FTO: variants seen among roughly 807,000 people sequenced by gnomAD.
FTO encodes FTO alpha-ketoglutarate dependent dioxygenase, also known as alpha-ketoglutarate-dependent dioxygenase FTO.
FTO carries 47 observed loss-of-function variants against 63.9 expected under a neutral mutation model. That is an observed-to-expected ratio of 0.74 (90% CI 0.58 to 0.94). The LOEUF is 0.94. Ranked by LOEUF, FTO falls within the 40% of genes least tolerant of loss-of-function variation. FTO has a pLI of 0.00. For missense variants in FTO, 562 were observed against 618.1 expected, an observed-to-expected ratio of 0.91 and a Z score of 0.96; for synonymous variants, 207 against 224.4, an observed-to-expected ratio of 0.92 and a Z score of 0.69.
intron 1 of FTO, among the ~76,000 whole-genome samples, chr16:53,750,309 C>T (rs950954159): frequency 2.0e-5 from 3 of 151,690 alleles, no homozygotes; most frequent in Admixed American, 6.6e-5. Flanking sequence ...GCGATCTTGG[C>T]TCACTGCAAC....
intron 8 of FTO, chr16:53,991,893 G>T (rs1346218275): frequency 2.0e-5 from 3 of 152,138 alleles, no homozygotes; most frequent in Admixed American, 6.5e-5. Flanking sequence ...GTTCAGTTGG[G>T]CTACTGAATG....
intron 7 of FTO, among the ~76,000 whole-genome samples, chr16:53,908,341 A>G (rs1489489548): frequency 1.1e-4 from 17 of 152,218 alleles, no homozygotes; most frequent in Non-Finnish European, 1.5e-5. Context: ...GTGAATTGAC[A>G]GGAATTATTC....
At chr16:53,918,407 G>A (rs370106285) in intron 7 of FTO, among the ~76,000 whole-genome samples, 13 of 152,152 alleles carry the variant, frequency 8.5e-5, no homozygotes, top group African/African-American at 2.4e-4. Flanking sequence ...TAGAGATATC[G>A]AAACATAGAA....
chr16:53,736,993 T>G (rs1235250554), intron 1 of FTO, among the ~76,000 whole-genome samples: 1 of 152,204 alleles, frequency 6.6e-6, no homozygotes, highest in Non-Finnish European at 1.5e-5. Flanking sequence ...TTGTGCCCAT[T>G]TATCACTTCA....
chr16:53,844,390 C>G, intron 4 of FTO, 92 bp downstream of exon 4: 3 of 1,063,790 alleles, frequency 2.8e-6, no homozygotes. Context: ...ATGAAATAAA[C>G]TTTTGGAGTA....
chr16:53,966,894 G>C (rs142400743), intron 8 of FTO, among the ~76,000 whole-genome samples: 1 of 152,156 alleles, frequency 6.6e-6, no homozygotes, highest in Non-Finnish European at 1.5e-5. Context: ...GATACCATTT[G>C]CAATGGTAGA....
chr16:53,952,152 A>G (rs1004860490), intron 8 of FTO, among the ~76,000 whole-genome samples: 5 of 152,070 alleles, frequency 3.3e-5, no homozygotes, highest in African/African-American at 1.2e-4. Context: ...CTTTCATTTT[A>G]TAGTTAAGGT....
In FTO at chr16:54,002,751, A is replaced by G. The variant is rs116299823; in HGVS notation, c.1364+68642A>G. 3.7e-3 allele frequency among the ~76,000 whole-genome samples: 570 copies of G among 152,390 alleles called. 2 individuals are homozygous for G. Among genetic ancestry groups the G allele is most frequent in the African/African-American group, 0.013 (548 of 41,598 alleles). On this transcript the variant is annotated intron_variant, in intron 8 of 8. Coordinates refer to ENST00000471389, the MANE Select transcript of FTO (RefSeq NM_001080432.3). ...GTAGAAACTTGTGTCTACAAAAGAC[A>G]GATAAAAACAAGTGTTGATGAGGAT...
chr16:53,787,137 AAAAAAG>A (rs1165229483), intron 1 of FTO, among the ~76,000 whole-genome samples: 3 of 147,876 alleles, frequency 2.0e-5, no homozygotes. Flanking sequence ...AAAAAAAAAA[AAAAAAG>A]AAAAAGAAAC....
At chr16:53,970,780 C>CT (rs1197350193) in intron 8 of FTO, among the ~76,000 whole-genome samples, 2 of 152,028 alleles carry the variant, frequency 1.3e-5, no homozygotes, top group East Asian at 3.9e-4. Flanking sequence ...CAGTGTGACA[C>CT]TTTTTGAGTT....
chr16:53,861,676 C>T (rs771220752), intron 4 of FTO, among the ~76,000 whole-genome samples: 2 of 151,994 alleles, frequency 1.3e-5, no homozygotes, highest in East Asian at 3.9e-4. Flanking sequence ...AAGTCTTAAT[C>T]GCAATAGTTG....
At chr16:53,915,912 T>C (rs999224579) in intron 7 of FTO, among the ~76,000 whole-genome samples, 1 of 152,240 alleles carries the variant, frequency 6.6e-6, no homozygotes, top group East Asian at 1.9e-4. Flanking sequence ...AAAACTATTC[T>C]GGATGTGGCA....
intron 8 of FTO, among the ~76,000 whole-genome samples, chr16:53,975,683 T>C (rs1306279919): frequency 1.3e-5 from 2 of 151,642 alleles, no homozygotes; most frequent in Admixed American, 6.6e-5. Context: ...AAAAAAGACA[T>C]GTAATTTATA....
At chr16:53,908,202 C>G (rs1431578033) in intron 7 of FTO, among the ~76,000 whole-genome samples, 1 of 152,160 alleles carries the variant, frequency 6.6e-6, no homozygotes, top group Non-Finnish European at 1.5e-5. Context: ...TAATTTAGGT[C>G]CTATTATCTG....
intron 1 of FTO, among the ~76,000 whole-genome samples, chr16:53,712,275 A>T (rs572151731): frequency 3.1e-4 from 47 of 152,222 alleles, no homozygotes; most frequent in African/African-American, 1.1e-3. Context: ...TCTAAAGTGG[A>T]CACTAAATAT....
chr16:53,792,024 C>T (rs1483497724), intron 1 of FTO, among the ~76,000 whole-genome samples: 3 of 150,282 alleles, frequency 2.0e-5, no homozygotes, highest in African/African-American at 7.3e-5. Flanking sequence ...TGCAGTGAGC[C>T]GAGATTGCGC....
intron 5 of FTO, among the ~76,000 whole-genome samples, 167 bp downstream of exon 5, chr16:53,874,032 A>G (rs1423485534): frequency 3.3e-5 from 5 of 152,108 alleles, no homozygotes; most frequent in Non-Finnish European, 5.9e-5. Context: ...ATTGTGTTGG[A>G]TACAGTTTTA....
At chr16:53,732,905 ATGAG>A (rs2076306908) in intron 1 of FTO, among the ~76,000 whole-genome samples, 1 of 152,226 alleles carries the variant, frequency 6.6e-6, no homozygotes, top group Non-Finnish European at 1.5e-5. Flanking sequence ...GAAGGAATGA[ATGAG>A]TAAGGAAAAA....
At chr16:53,720,227 G>A (rs1166476042) in intron 1 of FTO, among the ~76,000 whole-genome samples, 3 of 152,082 alleles carry the variant, frequency 2.0e-5, no homozygotes, top group African/African-American at 7.2e-5. Context: ...GTATTACCTT[G>A]TATGAGTCCT....
Sources: gnomAD v4.1 joint callset for allele counts (sites outside exome capture counted in the v4.1 genomes callset) on GRCh38, gnomAD v4.1.1 for gene constraint, MANE v1.5 for transcripts, NCBI Gene and HGNC (gene_info 2026-07-23, HGNC 2026-07-21) for gene names.